Variants in PAPPA2 observed in about 807,000 individuals in gnomAD.
PAPPA2 encodes the protein pappalysin-2.
A neutral mutation model predicts 176.4 loss-of-function variants in PAPPA2; 86 were observed. That is an observed-to-expected ratio of 0.49 (90% CI 0.41 to 0.58). The LOEUF is 0.58. Ranked by LOEUF, PAPPA2 falls within the 20% of genes least tolerant of loss-of-function variation. PAPPA2 has a pLI of 0.00. For synonymous variants in PAPPA2, 809 were observed against 852.2 expected (o/e 0.95, Z 0.88); for missense variants, 2,073 against 2,256.9 (o/e 0.92, Z 1.65).
chr1:176,505,225 C>A (rs1648190429), intron 1 of PAPPA2, among the ~76,000 whole-genome samples: 1 of 152,084 alleles, frequency 6.6e-6, no homozygotes, highest in South Asian at 2.1e-4. Context: ...TTAATCAATT[C>A]TTTCAACCCT....
Position 176,510,179 on chromosome 1 carries a change from T to C in PAPPA2, c.-916-45228T>C, listed in dbSNP as rs542830476. Among the ~76,000 whole-genome samples, 94 of 152,216 alleles carry C rather than the reference T, an allele frequency of 6.2e-4. 1 individual carries two copies. Among genetic ancestry groups the C allele is most frequent in the Non-Finnish European group, 2.8e-4 (19 of 68,006 alleles). On this transcript the variant is annotated intron_variant, in intron 1 of 22. Coordinates refer to ENST00000367662, the MANE Select transcript of PAPPA2 (RefSeq NM_020318.3). ...AGGCTAAACACAAAGACAAATATACTAAGACACATCATAACAAAATTTGTA... is the reference window on the plus strand; with the variant it reads ...AGGCTAAACACAAAGACAAATATACCAAGACACATCATAACAAAATTTGTA...
At chr1:176,636,406 ACT>A (rs1308936309) in intron 3 of PAPPA2, among the ~76,000 whole-genome samples, 2 of 152,038 alleles carry the variant, frequency 1.3e-5, no homozygotes, top group African/African-American at 2.4e-5. Flanking sequence ...ATCTGTCTGA[ACT>A]CTTTCTCAGA....
chr1:176,545,415 AAAATAAATAAATAAATAAATAAATAAAT>A (rs55993766), intron 1 of PAPPA2, among the ~76,000 whole-genome samples: 2 of 146,284 alleles, frequency 1.4e-5, no homozygotes, highest in African/African-American at 5.1e-5. Flanking sequence ...AACCTCAGAA[AAAATAAATAAATAAATAAATAAATAAAT>A]AAATAAATAA....
intron 17 of PAPPA2, among the ~76,000 whole-genome samples, chr1:176,784,949 T>C (rs1188092268): frequency 6.6e-6 from 1 of 152,086 alleles, no homozygotes; most frequent in Non-Finnish European, 1.5e-5. Context: ...CTCTTATTTG[T>C]TTTCTCATGA....
intron 21 of PAPPA2, among the ~76,000 whole-genome samples, chr1:176,806,531 G>A (rs1365255595): frequency 1.3e-5 from 2 of 152,184 alleles, no homozygotes; most frequent in East Asian, 3.9e-4. Flanking sequence ...GGAATCAAAA[G>A]GCCTTGTAAC....
At chr1:176,482,985 A>T (rs1273192288) in intron 1 of PAPPA2, among the ~76,000 whole-genome samples, 1 of 152,170 alleles carries the variant, frequency 6.6e-6, no homozygotes, top group Non-Finnish European at 1.5e-5. Flanking sequence ...AATTGAGGGC[A>T]AGATGCTGCA....
At chr1:176,657,297 C>T (rs1338052023) in intron 3 of PAPPA2, among the ~76,000 whole-genome samples, 5 of 151,670 alleles carry the variant, frequency 3.3e-5, no homozygotes, top group African/African-American at 7.3e-5. Flanking sequence ...CCCAGTGGCC[C>T]GGATAAGAGA....
chr1:176,672,240 A>C (rs1246256382), intron 4 of PAPPA2, among the ~76,000 whole-genome samples: 1 of 152,128 alleles, frequency 6.6e-6, no homozygotes, highest in Non-Finnish European at 1.5e-5. Context: ...AAAATGTTCT[A>C]GATAGCATTC....
intron 12 of PAPPA2, among the ~76,000 whole-genome samples, chr1:176,732,977 T>G (rs1444621999): frequency 6.6e-6 from 1 of 152,098 alleles, no homozygotes; most frequent in African/African-American, 2.4e-5. Context: ...GTCAGATCGG[T>G]GGCATTAGGT....
intron 9 of PAPPA2, among the ~76,000 whole-genome samples, chr1:176,705,422 G>A (rs1448922812): frequency 6.6e-6 from 1 of 152,016 alleles, no homozygotes; most frequent in Non-Finnish European, 1.5e-5. Context: ...TTAAACAATA[G>A]ATTAGAGCTA....
intron 1 of PAPPA2, among the ~76,000 whole-genome samples, chr1:176,491,819 T>G (rs1647308648): frequency 6.6e-6 from 1 of 152,188 alleles, no homozygotes; most frequent in South Asian, 2.1e-4. Context: ...ATCCTGGAGT[T>G]TCTGTTTGGT....
At chr1:176,706,597 A>C in intron 10 of PAPPA2, 147 bp downstream of exon 10, 1 of 684,798 alleles carries the variant, frequency 1.5e-6, no homozygotes, top group South Asian at 1.9e-5. Context: ...GAATTGTTTC[A>C]CAGGTATTAT....
At chr1:176,573,147 A>G (rs909477256) in intron 2 of PAPPA2, among the ~76,000 whole-genome samples, 10 of 152,118 alleles carry the variant, frequency 6.6e-5, no homozygotes, top group East Asian at 3.9e-4. Context: ...TCACTAAGCT[A>G]TCTTATCAAG....
At chr1:176,817,127 C>A (rs1666438383) in intron 21 of PAPPA2, among the ~76,000 whole-genome samples, 1 of 152,070 alleles carries the variant, frequency 6.6e-6, no homozygotes, top group African/African-American at 2.4e-5. Flanking sequence ...GTTTGGGGAG[C>A]AGGCAAGAGG....
intron 4 of PAPPA2, among the ~76,000 whole-genome samples, chr1:176,687,204 G>A (rs974049615): frequency 6.6e-6 from 1 of 152,182 alleles, no homozygotes; most frequent in Non-Finnish European, 1.5e-5. Flanking sequence ...GCTTGCAAAT[G>A]TGTGTTAAAA....
chr1:176,602,889 T>C (rs1238940795), intron 3 of PAPPA2, among the ~76,000 whole-genome samples: 1 of 152,194 alleles, frequency 6.6e-6, no homozygotes, highest in Non-Finnish European at 1.5e-5. Context: ...GTCTCCTGTT[T>C]ATTTTCCTAT....
intron 21 of PAPPA2, among the ~76,000 whole-genome samples, chr1:176,819,454 T>C (rs1666565671): frequency 6.6e-6 from 1 of 151,356 alleles, no homozygotes; most frequent in Admixed American, 6.6e-5. Context: ...GAAGAGTTGG[T>C]TCCACTTCTT....
chr1:176,717,732 G>A (rs1661442169), intron 12 of PAPPA2, among the ~76,000 whole-genome samples: 1 of 152,182 alleles, frequency 6.6e-6, no homozygotes, highest in Non-Finnish European at 1.5e-5. Flanking sequence ...TGCATCTATT[G>A]AGATGATATT....
At chr1:176,627,459 A>T (rs1193599457) in intron 3 of PAPPA2, among the ~76,000 whole-genome samples, 1 of 152,170 alleles carries the variant, frequency 6.6e-6, no homozygotes, top group African/African-American at 2.4e-5. Context: ...CAGTGACTAG[A>T]CCTAGGTCTC....
Sources: allele counts gnomAD v4.1 joint callset (sites outside exome capture counted in the v4.1 genomes callset), GRCh38; gene constraint gnomAD v4.1.1; transcripts MANE v1.5; gene names NCBI Gene and HGNC (gene_info 2026-07-23, HGNC 2026-07-21).